The following HMCN2 variants were observed in gnomAD, a reference collection of about 807,000 sequenced individuals.
HMCN2 encodes hemicentin-2.
Under a neutral mutation model 377.5 loss-of-function variants are expected in HMCN2, and 325 were observed. That is an observed-to-expected ratio of 0.86 (90% CI 0.79 to 0.94). The LOEUF is 0.94. Ranked by LOEUF, HMCN2 falls within the 40% of genes least tolerant of loss-of-function variation. The probability of loss-of-function intolerance (pLI) is 0.00; values close to 1 mark genes in which losing one functional copy is unlikely to be tolerated. For synonymous variants in HMCN2, 2,007 were observed against 2,046.8 expected (o/e 0.98, Z 0.53); for missense variants, 4,543 against 4,725.3 (o/e 0.96, Z 1.13).
chr9:130,277,881 C>G (rs369970004), intron 1 of HMCN2, among the ~76,000 whole-genome samples: 1,112 of 12,128 alleles, frequency 0.092, 285 homozygotes, highest in East Asian at 0.19. Flanking sequence ...TCACCACCAC[C>G]ATCATCATCA....
intron 85 of HMCN2, among the ~76,000 whole-genome samples, chr9:130,417,977 C>T (rs780260136): frequency 2.0e-5 from 3 of 152,144 alleles, no homozygotes; most frequent in Non-Finnish European, 2.9e-5. Flanking sequence ...AGTAAGTGGA[C>T]AGGAAGCATC....
Position 130,433,693 on chromosome 9 carries a change from A to G in HMCN2, c.15240A>G (p.Ter5080=). ...LLIAVSPYPY[*] ...TCGCCGTGTCCCCCTACCCCTACTA[A>G]ACGGGAGAGGGCATTGGCGGCCGCC... Residue 5080 remains the stop codon, a stop_retained_variant, in exon 98 of 98, where the codon TAA becomes TAG. Transcript: ENST00000683500. The G allele has an allele frequency of 6.8e-7, 1 of 1,472,248 alleles. No individual in the cohort carries two copies. Among genetic ancestry groups the G allele is most frequent in the East Asian group, 2.8e-5 (1 of 35,440 alleles). The allele number at this position is 1,472,248 out of a possible 1,614,324, so 91.2% of individuals were successfully genotyped here. A position where few individuals can be genotyped will look rare whatever the true frequency, so the allele number is the denominator to read the frequency against.
chr9:130,266,413 C>T lies in HMCN2; in HGVS notation c.259+276C>T, dbSNP rs1310710086. Among the ~76,000 whole-genome samples, 3 of 152,222 alleles carry T rather than the reference C, an allele frequency of 2.0e-5. No homozygotes were observed. The East Asian group carries it at 5.8e-4, about 29-fold the overall frequency. On this transcript the variant is annotated intron_variant, in intron 1 of 97. Transcript: ENST00000683500. ...GTTGTGAGACTTCAGCAAGTGACCT[C>T]ACCTTCCCGCGCCTTACCGGCCCCA... is the stretch of plus-strand genomic sequence containing the variant.
intron 25 of HMCN2, among the ~76,000 whole-genome samples, chr9:130,344,343 A>G (rs1022543653): frequency 0.029 from 4,319 of 149,090 alleles, 79 homozygotes; most frequent in Middle Eastern, 0.09. Context: ...TGTGTATGTG[A>G]TGTGTGTATG....
chr9:130,297,483 A>G (rs1836235272), intron 7 of HMCN2, among the ~76,000 whole-genome samples: 2 of 152,148 alleles, frequency 1.3e-5, no homozygotes, highest in Non-Finnish European at 2.9e-5. Flanking sequence ...GGCCAGATCA[A>G]AGGTCTCAAT....
chr9:130,371,342 A>G (rs1841007470), intron 46 of HMCN2, among the ~76,000 whole-genome samples: 1 of 151,540 alleles, frequency 6.6e-6, no homozygotes, highest in Admixed American at 6.6e-5. Flanking sequence ...AATTTGGAAA[A>G]GGCTTCCTGC....
At chr9:130,284,018 G>A (rs1355225041) in intron 1 of HMCN2, among the ~76,000 whole-genome samples, 2 of 152,340 alleles carry the variant, frequency 1.3e-5, no homozygotes, top group East Asian at 3.9e-4. Flanking sequence ...AAACCATTTT[G>A]TGTTCCCACC....
chr9:130,274,683 A>G (rs1834585306), intron 1 of HMCN2, among the ~76,000 whole-genome samples: 1 of 152,240 alleles, frequency 6.6e-6, no homozygotes, highest in African/African-American at 2.4e-5. Context: ...TCTTGTGTGC[A>G]TGTATGTGTA....
chr9:130,302,373 C>T (rs1462475783), intron 8 of HMCN2, among the ~76,000 whole-genome samples: 3 of 152,180 alleles, frequency 2.0e-5, no homozygotes, highest in African/African-American at 7.2e-5. Context: ...AATGAAAAGG[C>T]TTCTTTCTAA....
Position 130,270,378 on chromosome 9 carries a change from C to T in HMCN2, c.259+4241C>T, listed in dbSNP as rs539323647. On this transcript the variant is annotated intron_variant, in intron 1 of 97. Coordinates refer to ENST00000683500, the MANE Select transcript of HMCN2 (RefSeq NM_001291815.2). ...TGTGTGTTTTGTTTTATTTTCCTCT[C>T]TTCACATTTAATTCTTCAACTTGAA... 2.1e-5 allele frequency among the ~76,000 whole-genome samples: 3 copies of T among 145,120 alleles called. No individual in the cohort carries two copies. In the South Asian group the frequency reaches 6.6e-4, roughly 32 times the overall value.
At position 130,388,539 on chromosome 9, in the gene HMCN2, G is replaced by T. The variant is rs575284863; in HGVS notation, c.9522G>T (p.Val3174=). Residue 3174 remains valine, a splice_region_variant and synonymous_variant, in exon 62 of 98, where the codon GTG becomes GTT. Transcript: ENST00000683500. ...TVTWLKDRMP[V]ESSAVHGVVS... ...CTTGGCTGAAGGACAGGATGCCTGT[G>T]GGTGAGCACATCTGTCCTTGTCTGT... 64 of 988,132 alleles carry T rather than the reference G, an allele frequency of 6.5e-5. No individual in the cohort carries two copies. The highest frequency in any genetic ancestry group is 2.8e-4 in the Middle Eastern group (1 of 3,548). The allele number at this position is 988,132 out of a possible 1,614,324, so 61.2% of individuals were successfully genotyped here. A position where few individuals can be genotyped will look rare whatever the true frequency, so the allele number is the denominator to read the frequency against.
chr9:130,299,426 C>T (rs934909463), intron 8 of HMCN2, 138 bp downstream of exon 8: 1 of 352,540 alleles, frequency 2.8e-6, no homozygotes, highest in Admixed American at 4.0e-5. Context: ...ACAGCTATTC[C>T]CTATAAGGCA....
intron 3 of HMCN2, 34 bp downstream of exon 3, chr9:130,285,350 G>A (rs1564747333): frequency 2.1e-6 from 1 of 469,266 alleles, no homozygotes; most frequent in Non-Finnish European, 4.4e-6. Context: ...CCAAAGTGGG[G>A]TCCCCCGGGG....
In HMCN2 at chr9:130,430,447, C is replaced by G; in HGVS notation, c.14490C>G (p.His4830Gln). 6.4e-7 allele frequency: 1 copy of G among 1,550,608 alleles called. No individual in the cohort carries two copies. The highest frequency in any genetic ancestry group is 8.7e-7 in the Non-Finnish European group (1 of 1,146,982). ...GACAAAATGTGACCACCGTCAGCCA[C>G]CGAGGCCCTCTATTGCCCTGGCTGC... is the stretch of plus-strand genomic sequence containing the variant. The part of the protein sequence containing the change: ...RNGQNVTTVS[H>Q]RGPLLPWLRP... Residue 4830 changes from histidine to glutamine, a missense_variant, in exon 95 of 98, where the codon CAC becomes CAG. Physicochemically the swap from His to Gln is conservative, Grantham distance 24 (BLOSUM62 0). Coordinates refer to ENST00000683500, the MANE Select transcript of HMCN2 (RefSeq NM_001291815.2).
At chr9:130,403,049 C>T (rs1842928775) in intron 78 of HMCN2, 145 bp from the exon 79 acceptor site, 10 of 1,030,964 alleles carry the variant, frequency 9.7e-6, no homozygotes, top group Non-Finnish European at 1.3e-5. Flanking sequence ...AAAGAATCAG[C>T]CATGGCGTCC....
intron 86 of HMCN2, among the ~76,000 whole-genome samples, chr9:130,420,326 G>A (rs940244304): frequency 2.0e-5 from 3 of 151,668 alleles, no homozygotes; most frequent in Admixed American, 6.6e-5. Context: ...CGCCCATCTC[G>A]GCCTCCCAAA....
Position 130,410,634 on chromosome 9 carries a change from G to T in HMCN2, c.12943G>T (p.Val4315Leu). The change falls in exon 85 of 98, where the codon GTG becomes TTG. Residue 4315 changes from valine (V) to leucine (L), a missense_variant. Val to Leu is a conservative substitution (Grantham distance 32). Coordinates refer to ENST00000683500, the MANE Select transcript of HMCN2 (RefSeq NM_001291815.2). ...TGAGATGGGCGTGGCGAAGAAAGTG[G>T]TGATCCTCGTCCTGCAGAGTGAGTC... ...ENEMGVAKKV[V>L]ILVLQSAPVF... The T allele has an allele frequency of 6.4e-7, 1 of 1,550,638 alleles. No homozygotes were observed. Among genetic ancestry groups the T allele is most frequent in the Non-Finnish European group, 8.7e-7 (1 of 1,146,994 alleles).
At chr9:130,382,392 G>C (rs1841776449) in intron 55 of HMCN2, 95 bp downstream of exon 55, 1 of 437,720 alleles carries the variant, frequency 2.3e-6, no homozygotes, top group South Asian at 9.6e-5. Context: ...ACACAGTCTT[G>C]CTGTACTCAG....
At chr9:130,412,567 C>CTCTT (rs369198894) in intron 85 of HMCN2, among the ~76,000 whole-genome samples, 2 of 134,528 alleles carry the variant, frequency 1.5e-5, no homozygotes, top group East Asian at 4.4e-4. Flanking sequence ...CTTTCTTTCT[C>CTCTT]TTTTTTTTTT....
Sources: gnomAD v4.1 joint callset for allele counts (sites outside exome capture counted in the v4.1 genomes callset) on GRCh38, gnomAD v4.1.1 for gene constraint, MANE v1.5 for transcripts, NCBI Gene and HGNC (gene_info 2026-07-23, HGNC 2026-07-21) for gene names.